The following SH3D21 variants were observed in gnomAD, a reference collection of about 807,000 sequenced individuals.
SH3D21 encodes the protein manchette microtubule inner protein 1.
SH3D21 carries 83 observed loss-of-function variants against 82.1 expected under a neutral mutation model. The ratio of observed to expected loss-of-function variants is 1.01; its 90% CI spans 0.85 to 1.21. The LOEUF (loss-of-function observed/expected upper bound fraction) is 1.21. Ranked by LOEUF, SH3D21 falls within the 50% of genes most tolerant of loss-of-function variation. The pLI, the probability that SH3D21 is intolerant of heterozygous loss-of-function variation, is 0.00. For synonymous variants in SH3D21, 383 were observed against 387.8 expected (o/e 0.99, Z 0.15); for missense variants, 980 against 962.1 (o/e 1.02, Z -0.25).
At chr1:36,326,499 G>A (rs1570419312), downstream of SH3D21, among the ~76,000 whole-genome samples, 1 of 152,158 alleles carries the variant, frequency 6.6e-6, no homozygotes, top group South Asian at 2.1e-4. Flanking sequence ...CAAAGTGCTG[G>A]AATTACAGGT....
chr1:36,306,847 C>T lies in SH3D21; in HGVS notation c.168C>T (p.Ile56=). The T allele has an allele frequency of 7.7e-7, 1 of 1,296,974 alleles. No individual in the cohort carries two copies. Among genetic ancestry groups the T allele is most frequent in the South Asian group, 1.2e-5 (1 of 80,708 alleles). The allele number at this position is 1,296,974 out of a possible 1,614,324, so 80.3% of individuals were successfully genotyped here. Residue 56 remains isoleucine, a synonymous_variant, in exon 3 of 16, where the codon ATC becomes ATT. Coordinates refer to ENST00000453908, the MANE Select transcript of SH3D21 (RefSeq NM_001162530.2). This position sits in a 1 kb window ranked among gnomAD's most constrained non-coding sequence, Gnocchi z 4.5. The part of the protein sequence containing the change: ...GLFPERLVQE[I]PETLRGSGEA... ...CCCCGTGCCCTGATTCCCAGGAGAT[C>T]CCAGAGACCCTGCGGGGCTCCGGAG...
chr1:36,322,896 C>G, downstream of SH3D21: 1 of 1,570,906 alleles, frequency 6.4e-7, no homozygotes, highest in South Asian at 1.1e-5. Context: ...AGGGGACGGA[C>G]AAGGCGCTGG....
chr1:36,317,957 C>T (rs1352531998), intron 10 of SH3D21, among the ~76,000 whole-genome samples: 1 of 152,204 alleles, frequency 6.6e-6, no homozygotes, highest in Non-Finnish European at 1.5e-5. Flanking sequence ...CAATAGAACA[C>T]AAGTTCAGTC....
chr1:36,329,298 A>G (rs1454473834), downstream of SH3D21: 1 of 152,240 alleles, frequency 6.6e-6, no homozygotes, highest in Non-Finnish European at 1.5e-5. Flanking sequence ...GGTGGTGTCA[A>G]CGTCTGAAAC....
intron 10 of SH3D21, among the ~76,000 whole-genome samples, chr1:36,318,496 C>T (rs765298154): frequency 5.9e-5 from 9 of 152,196 alleles, no homozygotes; most frequent in Admixed American, 2.0e-4. Context: ...GTGGGCTGGG[C>T]GCGATGGCTC....
At chr1:36,321,375 C>A, downstream of SH3D21, 1 of 1,390,420 alleles carries the variant, frequency 7.2e-7, no homozygotes, top group Admixed American at 3.1e-5. This position sits in a 1 kb window ranked among gnomAD's most constrained non-coding sequence, Gnocchi z 6.1. Flanking sequence ...CTATTTTTAT[C>A]CACCGGATGG....
chr1:36,330,042 G>A (rs947731117), downstream of SH3D21, among the ~76,000 whole-genome samples: 1 of 152,066 alleles, frequency 6.6e-6, no homozygotes, highest in Non-Finnish European at 1.5e-5. Flanking sequence ...CCAGGATGCG[G>A]TCAGAACACC....
At chr1:36,313,225 G>A (rs1294175132) in intron 10 of SH3D21, among the ~76,000 whole-genome samples, 1 of 152,068 alleles carries the variant, frequency 6.6e-6, no homozygotes, top group African/African-American at 2.4e-5. Context: ...TCGGGAAGCT[G>A]AGACAGGAGA....
Position 36,320,988 on chromosome 1 carries a change from G to A in SH3D21, c.2199+10G>A. 6.4e-7 allele frequency: 1 copy of A among 1,570,296 alleles called. No individual in the cohort carries two copies. Among genetic ancestry groups the A allele is most frequent in the Non-Finnish European group, 8.6e-7 (1 of 1,158,486 alleles). ...GCGCCGGCGGCTGGAGGTGAGGCGC[G>A]GGTCCCGGCGGGAGGGGGCTGACGG... On this transcript the variant is annotated intron_variant, in intron 15 of 15. Transcript: ENST00000453908.
Position 36,320,954 on chromosome 1 carries a change from G to A in SH3D21, c.2175G>A (p.Glu725=), listed in dbSNP as rs768962042. The A allele has an allele frequency of 3.2e-6, 5 of 1,570,976 alleles. No individual in the cohort carries two copies. The highest frequency in any genetic ancestry group is 1.9e-5 in the Admixed American group (1 of 52,564). The change falls in exon 15 of 16, where the codon GAG becomes GAA. Residue 725 remains glutamate, a synonymous_variant. Transcript: ENST00000453908. ...ACATCTGGGAGGAGCTGAAGAGCGA[G>A]AAGGAGCAGCGCCGGCGGCTGGAGG... ...LTDIWEELKS[E]KEQRRRLEVQ...
chr1:36,307,093 C>A lies in SH3D21; in HGVS notation c.227-74C>A. ...GGCTGGAGGGACCAAAGGCTACGTG[C>A]GCGCCTTGCGCTTCCCCCAGCTCCT... On this transcript the variant is annotated intron_variant, in intron 3 of 15. Transcript: ENST00000453908. The surrounding 1 kb of genome is among the most constrained non-coding windows in gnomAD (Gnocchi z 5.4). The A allele has an allele frequency of 6.5e-7, 1 of 1,538,480 alleles. No homozygotes were observed. The highest frequency in any genetic ancestry group is 8.8e-7 in the Non-Finnish European group (1 of 1,139,800).
rs755696942 is a variant in SH3D21, at chr1:36,320,557, G to A, written c.1894G>A (p.Glu632Lys). Residue 632 changes from glutamate to lysine, a missense_variant, in exon 14 of 16, where the codon GAG (glutamate) becomes AAG (lysine). Physicochemically the swap from Glu to Lys is moderately conservative, Grantham distance 56. Transcript: ENST00000453908. ...TTCCAAAGAGGAGGTGACCCTGAAA[G>A]AGGAATTGCCCCCTAAAGAGGAAGT... is the stretch of plus-strand genomic sequence containing the variant. Reference protein sequence around the residue: ...VASKEEVTLKEELPPKEEVAP... With the variant: ...VASKEEVTLKKELPPKEEVAP... The A allele has an allele frequency of 1.2e-5, 19 of 1,614,116 alleles. No individual in the cohort carries two copies. Among genetic ancestry groups the A allele is most frequent in the Non-Finnish European group, 5.1e-6 (6 of 1,180,042 alleles).
Position 36,319,469 on chromosome 1 carries a change from G to T in SH3D21, c.944G>T (p.Gly315Val). 1 of 1,551,604 alleles carries T rather than the reference G, an allele frequency of 6.4e-7. No homozygotes were observed. The highest frequency in any genetic ancestry group is 8.7e-7 in the Non-Finnish European group (1 of 1,146,970). ...SGPNGGFQSGGSYHPGRKRSK... is the reference protein window; with the variant it reads ...SGPNGGFQSGVSYHPGRKRSK... ...CCCAATGGTGGCTTCCAAAGTGGGG[G>T]TTCGTATCACCCTGGCCGAAAGCGA... Residue 315 changes from glycine (G) to valine (V), a missense_variant, in exon 13 of 16, where the codon GGT (glycine) becomes GTT (valine). Gly to Val is a moderately radical substitution (Grantham distance 109). Coordinates refer to ENST00000453908, the MANE Select transcript of SH3D21 (RefSeq NM_001162530.2).
rs547341375 is a variant in SH3D21, at chr1:36,308,634, G to A, written c.726+159G>A. Among the ~76,000 whole-genome samples the A allele has an allele frequency of 4.3e-4, 66 of 152,226 alleles. No individual in the cohort carries two copies. The South Asian group carries it at 4.4e-3, about 10-fold the overall frequency. ...TGGATTCTAATACCGGTTGAGTATC[G>A]CTTATCCAAAAGGCTTGGGACCAGA... On this transcript the variant is annotated intron_variant, in intron 9 of 15. Coordinates refer to ENST00000453908, the MANE Select transcript of SH3D21 (RefSeq NM_001162530.2).
At chr1:36,324,858 A>G (rs1360756552), downstream of SH3D21, 2 of 152,220 alleles carry the variant, frequency 1.3e-5, no homozygotes, top group African/African-American at 4.8e-5. Flanking sequence ...ATGTCTGTAT[A>G]TAAATCTGTG....
In SH3D21 at chr1:36,319,774, G is replaced by A. The variant is rs369876264; in HGVS notation, c.1111G>A (p.Ala371Thr). The A allele has an allele frequency of 8.7e-6, 14 of 1,611,722 alleles. No homozygotes were observed. The highest frequency in any genetic ancestry group is 4.0e-5 in the African/African-American group (3 of 74,460). The change falls in exon 14 of 16, where the codon GCC (alanine) becomes ACC (threonine). Residue 371 changes from alanine to threonine, a missense_variant. Physicochemically the swap from Ala to Thr is moderately conservative, Grantham distance 58. Coordinates refer to ENST00000453908, the MANE Select transcript of SH3D21 (RefSeq NM_001162530.2). ...AGAGAGGCCCCCAGCTCCAGAGAAC[G>A]CCCCCAGCTCCAAGAAGATCCCGGC... ...TPERPPAPEN[A>T]PSSKKIPAPD...
Position 36,321,113 on chromosome 1 carries a change from A to G in SH3D21, c.2257A>G (p.Thr753Ala). 1 of 1,611,572 alleles carries G rather than the reference A, an allele frequency of 6.2e-7. No homozygotes were observed. ...SQTPRVIHTQ[T>A]QTY ...GACCCCGCGCGTCATCCACACGCAG[A>G]CGCAGACCTACTGAGGGTGGGCCTG... The change falls in exon 16 of 16, where the codon ACG becomes GCG. Residue 753 changes from threonine (T) to alanine (A), a missense_variant. Physicochemically the swap from Thr to Ala is moderately conservative, Grantham distance 58. Transcript: ENST00000453908. The surrounding 1 kb of genome is among the most constrained non-coding windows in gnomAD (Gnocchi z 6.1).
chr1:36,321,383 T>C, downstream of SH3D21: 2 of 1,094,784 alleles, frequency 1.8e-6, no homozygotes, highest in South Asian at 1.8e-5. The surrounding 1 kb of genome is among the most constrained non-coding windows in gnomAD (Gnocchi z 6.1). Flanking sequence ...ATCCACCGGA[T>C]GGTGAGGGGC....
rs1227016982 is a variant in SH3D21 at position 36,307,323 on chromosome 1, G to A, written c.345+38G>A. On this transcript the variant is annotated intron_variant, in intron 4 of 15. Coordinates refer to ENST00000453908, the MANE Select transcript of SH3D21 (RefSeq NM_001162530.2). This position sits in a 1 kb window ranked among gnomAD's most constrained non-coding sequence, Gnocchi z 5.4. The stretch of plus-strand genomic sequence containing the variant: ...GTGATGGGACCGTTTGGGGGAGGAT[G>A]ATGGAACGCGCCTCCCTAGTGAGCG... The A allele has an allele frequency of 6.5e-7, 1 of 1,548,784 alleles. No homozygotes were observed. Among genetic ancestry groups the A allele is most frequent in the Non-Finnish European group, 8.7e-7 (1 of 1,144,496 alleles).
Sources: allele counts gnomAD v4.1 joint callset (sites outside exome capture counted in the v4.1 genomes callset), GRCh38; gene constraint gnomAD v4.1.1; non-coding constraint Gnocchi (gnomAD v3.1); transcripts MANE v1.5; gene names NCBI Gene and HGNC (gene_info 2026-07-23, HGNC 2026-07-21).